The following PIN4 variants were observed in gnomAD, a reference collection of about 807,000 sequenced individuals.
PIN4 encodes peptidylprolyl cis/trans isomerase, NIMA-interacting 4, also known as peptidyl-prolyl cis-trans isomerase NIMA-interacting 4.
A neutral mutation model predicts 8.3 loss-of-function variants in PIN4; 3 were observed. The ratio of observed to expected loss-of-function variants is 0.36; its 90% CI spans 0.16 to 0.93. The LOEUF is 0.93. PIN4 is among the 40% of genes least tolerant of loss of function. The pLI, the probability that PIN4 is intolerant of heterozygous loss-of-function variation, is 0.44. For missense variants in PIN4, 75 were observed against 100.6 expected, an observed-to-expected ratio of 0.75 and a Z score of 1.09; for synonymous variants, 18 against 32.5, an observed-to-expected ratio of 0.55 and a Z score of 1.52.
chrX:72,241,816 T>C (rs1202018737), intron 3 of PIN4, among the ~76,000 whole-genome samples: 2 of 75,173 alleles, frequency 2.7e-5, no homozygotes, highest in Non-Finnish European at 4.4e-5. Flanking sequence ...AAACTCCGTC[T>C]CAAAAAAAAA....
intron 2 of PIN4, among the ~76,000 whole-genome samples, chrX:72,194,859 T>C (rs2042756434): frequency 9.0e-6 from 1 of 111,552 alleles, no homozygotes; most frequent in Non-Finnish European, 1.9e-5. Context: ...ATTTTTTATC[T>C]TTTATACTAT....
chrX:72,238,905 C>G (rs1402657839), intron 3 of PIN4: 4 of 1,190,416 alleles, frequency 3.4e-6, no homozygotes, highest in Non-Finnish European at 4.5e-6. Context: ...CTTCGGGATG[C>G]CTCCATGACC....
At chrX:72,199,587 A>G (rs2042782201), downstream of PIN4, among the ~76,000 whole-genome samples, 2 of 112,269 alleles carry the variant, frequency 1.8e-5, no homozygotes, top group Admixed American at 1.9e-4. Flanking sequence ...TAAGGGCAGT[A>G]AATTCTGAAG....
downstream of PIN4, among the ~76,000 whole-genome samples, chrX:72,200,237 A>G (rs1274339889): frequency 8.9e-6 from 1 of 112,009 alleles, no homozygotes; most frequent in Non-Finnish European, 1.9e-5. Context: ...TAGCATATGC[A>G]TTTAATTCTG....
chrX:72,217,243 A>C (rs1358966641), intron 3 of PIN4, among the ~76,000 whole-genome samples: 6 of 111,445 alleles, frequency 5.4e-5, no homozygotes, highest in Admixed American at 1.9e-4. Flanking sequence ...GGAGTTCAAC[A>C]ACCCTGCCTG....
chrX:72,182,167 C>T (rs987152716), intron 1 of PIN4, among the ~76,000 whole-genome samples: 12 of 112,671 alleles, frequency 1.1e-4, no homozygotes, highest in African/African-American at 3.2e-4. Flanking sequence ...TACAGAATGA[C>T]ATGCCCACCA....
intron 1 of PIN4, among the ~76,000 whole-genome samples, chrX:72,185,925 T>C (rs975672789): frequency 8.9e-6 from 1 of 112,564 alleles, no homozygotes; most frequent in Admixed American, 9.4e-5. Flanking sequence ...CTTAGGAGTC[T>C]GCCCTCAGAA....
At chrX:72,200,412 A>G (rs886072789), downstream of PIN4, among the ~76,000 whole-genome samples, 2 of 111,823 alleles carry the variant, frequency 1.8e-5, no homozygotes, top group Non-Finnish European at 3.8e-5. Flanking sequence ...GTGGGGAAAC[A>G]GACATTCATC....
At chrX:72,250,625 G>A (rs1315512636) in intron 3 of PIN4, among the ~76,000 whole-genome samples, 1 of 110,163 alleles carries the variant, frequency 9.1e-6, no homozygotes, top group Non-Finnish European at 1.9e-5. Context: ...GAGGTGGGAG[G>A]ATTGCTTGAG....
In PIN4 at chrX:72,218,269, C is replaced by CA. The variant is rs762377624; in HGVS notation, c.312+21381dup. Among the ~76,000 whole-genome samples, 498 of 61,163 alleles carry CA rather than the reference C, an allele frequency of 8.1e-3. 3 individuals are homozygous for CA. The highest frequency in any genetic ancestry group is 0.022 in the African/African-American group (366 of 16,388). The allele number at this position is 61,163 out of a possible 115,157, so 53.1% of individuals were successfully genotyped here. On this transcript the variant is annotated intron_variant, in intron 3 of 3. Coordinates refer to the PIN4 transcript ENST00000423432. ...TGGGCGACAGAGCGAGACTCTGTCT[C>CA]AAAAAAAAAAAAAAAATTAATAATA...
At chrX:72,248,720 T>C (rs1345389733) in intron 3 of PIN4, among the ~76,000 whole-genome samples, 2 of 110,832 alleles carry the variant, frequency 1.8e-5, no homozygotes, top group Non-Finnish European at 3.8e-5. Context: ...CTACTAAAAA[T>C]ACAAAAATTA....
intron 3 of PIN4, among the ~76,000 whole-genome samples, chrX:72,210,483 A>G (rs759360211): frequency 3.5e-4 from 39 of 111,449 alleles, no homozygotes; most frequent in South Asian, 1.1e-3. Context: ...GCTTGAAGGA[A>G]AAAATAACAT....
intron 1 of PIN4, among the ~76,000 whole-genome samples, chrX:72,182,213 G>A (rs2042677000): frequency 8.9e-6 from 1 of 112,523 alleles, no homozygotes; most frequent in Admixed American, 9.4e-5. Context: ...GAACAGAAAT[G>A]TGTCAGGCAG....
chrX:72,263,774 G>A (rs1470105267), exon 4 of PIN4: 1 of 111,763 alleles, frequency 8.9e-6, no homozygotes, highest in Non-Finnish European at 1.9e-5. Context: ...GAGGGGTACT[G>A]AGGTGGCACA....
chrX:72,206,621 C>G, intron 3 of PIN4: 3 of 1,211,283 alleles, frequency 2.5e-6, no homozygotes, highest in Non-Finnish European at 1.1e-6. Context: ...ATCAGGAACT[C>G]TTTATTTTGA....
At chrX:72,230,767 C>A (rs1428420309) in intron 3 of PIN4, among the ~76,000 whole-genome samples, 1 of 111,294 alleles carries the variant, frequency 9.0e-6, no homozygotes, top group Admixed American at 9.6e-5. Flanking sequence ...AGTTTAAAAC[C>A]AGCCTGGGCA....
intron 2 of PIN4, 126 bp downstream of exon 2, chrX:72,186,660 A>T: frequency 2.0e-6 from 1 of 511,851 alleles, no homozygotes. Context: ...AATCAAAATA[A>T]CACAAAATTG....
intron 3 of PIN4, chrX:72,208,361 G>A: frequency 8.3e-7 from 1 of 1,211,658 alleles, no homozygotes; most frequent in Non-Finnish European, 1.1e-6. Flanking sequence ...ATACCGGAAA[G>A]GAAAGCAATG....
At chrX:72,228,930 G>A (rs1276598964) in intron 3 of PIN4, among the ~76,000 whole-genome samples, 1 of 110,767 alleles carries the variant, frequency 9.0e-6, no homozygotes, top group Non-Finnish European at 1.9e-5. Flanking sequence ...AGCCCTTCCT[G>A]CATCCCTTCA....
Sources: gnomAD v4.1 joint callset for allele counts (sites outside exome capture counted in the v4.1 genomes callset) on GRCh38, gnomAD v4.1.1 for gene constraint, MANE v1.5 for transcripts, NCBI Gene and HGNC (gene_info 2026-07-23, HGNC 2026-07-21) for gene names.